Variants in OSBPL2 observed in about 807,000 individuals in gnomAD.
OSBPL2 encodes oxysterol binding protein like 2, also known as oxysterol-binding protein-related protein 2.
OSBPL2 carries 18 observed loss-of-function variants against 58.4 expected under a neutral mutation model. The ratio of observed to expected loss-of-function variants is 0.31; its 90% CI spans 0.21 to 0.46. OSBPL2 has a LOEUF of 0.46. OSBPL2 is among the 20% of genes least tolerant of loss of function. The probability of loss-of-function intolerance (pLI) is 1.00; values close to 1 mark genes in which losing one functional copy is unlikely to be tolerated. For missense variants in OSBPL2, 461 were observed against 616.5 expected, an observed-to-expected ratio of 0.75 and a Z score of 2.67; for synonymous variants, 221 against 234.1, an observed-to-expected ratio of 0.94 and a Z score of 0.51.
chr20:62,266,543 T>C (rs1478187476), intron 4 of OSBPL2, among the ~76,000 whole-genome samples: 1 of 151,614 alleles, frequency 6.6e-6, no homozygotes, highest in Non-Finnish European at 1.5e-5. Context: ...CTGCAGTGAT[T>C]GGCTGTGGCT....
intron 9 of OSBPL2, among the ~76,000 whole-genome samples, chr20:62,283,554 A>T (rs1982920363): frequency 2.0e-5 from 3 of 152,208 alleles, no homozygotes; most frequent in Admixed American, 6.5e-5. Context: ...CGGGGAACCA[A>T]AGATCAAGCA....
intron 6 of OSBPL2, chr20:62,278,718 C>T (rs1982576510): frequency 6.2e-6 from 1 of 161,078 alleles, no homozygotes; most frequent in Admixed American, 7.6e-5. Context: ...AACATTAGGC[C>T]AAGTGCGATG....
intron 1 of OSBPL2, among the ~76,000 whole-genome samples, chr20:62,251,589 G>C (rs967899421): frequency 3.3e-5 from 5 of 151,580 alleles, no homozygotes; most frequent in African/African-American, 7.3e-5. Context: ...TGTATTTTTA[G>C]TAGAGATGGG....
At chr20:62,291,495 C>A in intron 12 of OSBPL2, 1 of 610,178 alleles carries the variant, frequency 1.6e-6, no homozygotes. Context: ...ATGCTCTACT[C>A]AGCTCCGCTT....
intron 1 of OSBPL2, among the ~76,000 whole-genome samples, chr20:62,248,992 A>G (rs752926344): frequency 2.6e-5 from 4 of 152,172 alleles, no homozygotes; most frequent in Non-Finnish European, 5.9e-5. Context: ...GCCACCGTGC[A>G]GGGCCCACAT....
intron 11 of OSBPL2, among the ~76,000 whole-genome samples, chr20:62,287,009 G>C (rs1005517914): frequency 6.6e-6 from 1 of 152,238 alleles, no homozygotes; most frequent in South Asian, 2.1e-4. Flanking sequence ...AGAGCTGCCC[G>C]CCGGGCACAC....
intron 11 of OSBPL2, among the ~76,000 whole-genome samples, chr20:62,287,735 G>A (rs1983225680): frequency 6.6e-6 from 1 of 152,204 alleles, no homozygotes; most frequent in South Asian, 2.1e-4. Flanking sequence ...TGGGACCACA[G>A]GCATGAGACA....
chr20:62,276,984 C>T (rs1412708759), intron 6 of OSBPL2, among the ~76,000 whole-genome samples: 1 of 151,634 alleles, frequency 6.6e-6, no homozygotes, highest in African/African-American at 2.4e-5. Flanking sequence ...CGTGGTGGCT[C>T]ACGCCTGTAA....
chr20:62,242,891 G>A (rs1601142017), intron 1 of OSBPL2, among the ~76,000 whole-genome samples: 1 of 152,336 alleles, frequency 6.6e-6, no homozygotes, highest in Non-Finnish European at 1.5e-5. Flanking sequence ...GTAGTGTGTA[G>A]GGAGTTGTGT....
intron 1 of OSBPL2, among the ~76,000 whole-genome samples, chr20:62,249,496 A>G (rs1008040745): frequency 1.1e-4 from 16 of 152,204 alleles, no homozygotes; most frequent in African/African-American, 3.1e-4. Flanking sequence ...TAAACATTTA[A>G]CTTTCTGTAT....
At chr20:62,257,307 G>A (rs1273235390) in intron 2 of OSBPL2, among the ~76,000 whole-genome samples, 2 of 152,350 alleles carry the variant, frequency 1.3e-5, no homozygotes, top group African/African-American at 4.8e-5. Flanking sequence ...TCCCGAGGCT[G>A]TGCTGCTCCT....
In OSBPL2 at chr20:62,269,391, T is replaced by G. The variant is rs956938287; in HGVS notation, c.259-2734T>G. Reference sequence around the variant, plus strand: ...GATAGGTTCCTAGAAGTGGGGCTGCTGGGTCAGGGGCAAATACCCGTAGAG... The same window carrying G: ...GATAGGTTCCTAGAAGTGGGGCTGCGGGGTCAGGGGCAAATACCCGTAGAG... On this transcript the variant is annotated intron_variant, in intron 4 of 13. Transcript: ENST00000313733. The surrounding 1 kb of genome is among the most constrained non-coding windows in gnomAD (Gnocchi z 4.2). Among the ~76,000 whole-genome samples, 2 of 152,176 alleles carry G rather than the reference T, an allele frequency of 1.3e-5. No homozygotes were observed. Among genetic ancestry groups the G allele is most frequent in the African/African-American group, 4.8e-5 (2 of 41,432 alleles).
chr20:62,262,839 G>C (rs913783489), intron 3 of OSBPL2, among the ~76,000 whole-genome samples: 1 of 152,190 alleles, frequency 6.6e-6, no homozygotes, highest in Non-Finnish European at 1.5e-5. Context: ...GAGAGCCCTG[G>C]GGTGTCCCTG....
chr20:62,256,139 A>G lies in OSBPL2; in HGVS notation c.-46A>G. 1 of 1,604,094 alleles carries G rather than the reference A, an allele frequency of 6.2e-7. No individual in the cohort carries two copies. Among genetic ancestry groups the G allele is most frequent in the Non-Finnish European group, 8.5e-7 (1 of 1,171,608 alleles). ...AGATGTGGATCAGATACGATGATTCAGTAGAAGAGCACATGTCAGGGGCAG... is the reference window on the plus strand; with the variant it reads ...AGATGTGGATCAGATACGATGATTCGGTAGAAGAGCACATGTCAGGGGCAG... On this transcript the variant is annotated 5_prime_UTR_variant, in exon 2 of 14. Transcript: ENST00000313733.
chr20:62,279,938 G>C (rs75562186), intron 7 of OSBPL2: 1 of 1,302,088 alleles, frequency 7.7e-7, no homozygotes, highest in South Asian at 1.2e-5. Flanking sequence ...TTGAAACAGC[G>C]TGGGAGGGGA....
At chr20:62,284,388 T>TTC in intron 10 of OSBPL2, 1 of 502,174 alleles carries the variant, frequency 2.0e-6, no homozygotes, top group Non-Finnish European at 3.5e-6. Context: ...TTTTTTTTTT[T>TTC]CCCCTCCAGG....
rs376989736 is a variant in OSBPL2 at position 62,256,149 on chromosome 20, C to G, written c.-36C>G. ...CAGATACGATGATTCAGTAGAAGAG[C>G]ACATGTCAGGGGCAGTGGAGGCTGG... On this transcript the variant is annotated 5_prime_UTR_variant, in exon 2 of 14. Coordinates refer to ENST00000313733, the MANE Select transcript of OSBPL2 (RefSeq NM_144498.4). 4.3e-6 allele frequency: 7 copies of G among 1,610,526 alleles called. No individual in the cohort carries two copies. Among genetic ancestry groups the G allele is most frequent in the Non-Finnish European group, 5.9e-6 (7 of 1,177,226 alleles).
At chr20:62,247,536 C>A (rs1265659527) in intron 1 of OSBPL2, among the ~76,000 whole-genome samples, 1 of 152,186 alleles carries the variant, frequency 6.6e-6, no homozygotes, top group Non-Finnish European at 1.5e-5. Context: ...AAAGTCTCTG[C>A]CAGTGGCTTT....
intron 11 of OSBPL2, among the ~76,000 whole-genome samples, chr20:62,287,685 G>C (rs1393294106): frequency 6.6e-6 from 1 of 152,168 alleles, no homozygotes; most frequent in African/African-American, 2.4e-5. Context: ...CGAACTCCTG[G>C]CCTCAAGCAT....
Sources: allele counts gnomAD v4.1 joint callset (sites outside exome capture counted in the v4.1 genomes callset), GRCh38; gene constraint gnomAD v4.1.1; non-coding constraint Gnocchi (gnomAD v3.1); transcripts MANE v1.5; gene names NCBI Gene and HGNC (gene_info 2026-07-23, HGNC 2026-07-21).